PUS10: variants seen among roughly 807,000 people sequenced by gnomAD.
PUS10 encodes the protein tRNA pseudouridine synthase Pus10.
PUS10 carries 59 observed loss-of-function variants against 75.0 expected under a neutral mutation model. The ratio of observed to expected loss-of-function variants is 0.79; its 90% CI spans 0.64 to 0.98. The LOEUF (loss-of-function observed/expected upper bound fraction) is 0.98. Ranked by LOEUF, PUS10 falls within the 50% of genes least tolerant of loss-of-function variation. The pLI, the probability that PUS10 is intolerant of heterozygous loss-of-function variation, is 0.00. For synonymous variants in PUS10, 219 were observed against 211.6 expected (o/e 1.03, Z -0.30); for missense variants, 650 against 614.4 (o/e 1.06, Z -0.61).
At chr2:60,985,482 T>C (rs1677661988) in intron 4 of PUS10, among the ~76,000 whole-genome samples, 1 of 152,174 alleles carries the variant, frequency 6.6e-6, no homozygotes, top group Non-Finnish European at 1.5e-5. Context: ...GAGGACTTTG[T>C]GCTAAAGATG....
intron 5 of PUS10, among the ~76,000 whole-genome samples, chr2:60,968,397 TA>T (rs1047025244): frequency 6.6e-6 from 1 of 152,094 alleles, no homozygotes; most frequent in African/African-American, 2.4e-5. Context: ...TTCAAATAAT[TA>T]AAACTTCAAA....
At chr2:60,956,106 AT>A (rs1396206393) in intron 11 of PUS10, among the ~76,000 whole-genome samples, 2 of 152,018 alleles carry the variant, frequency 1.3e-5, no homozygotes, top group African/African-American at 4.8e-5. Context: ...AAAAAAAAAA[AT>A]GTAAGGGGCT....
At chr2:61,010,663 G>C in intron 2 of PUS10, 16 of 1,047,630 alleles carry the variant, frequency 1.5e-5, no homozygotes, top group Non-Finnish European at 2.2e-5. Flanking sequence ...TACTTTATTA[G>C]GTATTGTCCC....
intron 5 of PUS10, among the ~76,000 whole-genome samples, chr2:60,969,500 C>T (rs985495270): frequency 6.6e-6 from 1 of 152,228 alleles, no homozygotes; most frequent in African/African-American, 2.4e-5. Context: ...TTCTCTTTCT[C>T]TTCTCTGTCA....
At chr2:61,011,440 C>T (rs1380220542) in intron 2 of PUS10, among the ~76,000 whole-genome samples, 1 of 152,106 alleles carries the variant, frequency 6.6e-6, no homozygotes, top group African/African-American at 2.4e-5. Context: ...GGAATATTAG[C>T]CCCTCCTGGG....
chr2:60,969,546 T>C (rs1353712060), intron 5 of PUS10, among the ~76,000 whole-genome samples: 1 of 152,200 alleles, frequency 6.6e-6, no homozygotes, highest in Non-Finnish European at 1.5e-5. Flanking sequence ...TGCAATCACT[T>C]TTGCTGTAGA....
intron 4 of PUS10, 124 bp downstream of exon 4, chr2:61,006,433 T>C (rs2104691255): frequency 1.4e-6 from 1 of 705,952 alleles, no homozygotes; most frequent in Non-Finnish European, 2.4e-6. Flanking sequence ...ATTGCTTCAA[T>C]CATTCAATAA....
At chr2:60,971,865 C>CTTTTTTTTTTTTT (rs756222357) in intron 4 of PUS10, among the ~76,000 whole-genome samples, 22 of 99,634 alleles carry the variant, frequency 2.2e-4, no homozygotes, top group South Asian at 3.0e-4. Flanking sequence ...TCTTTCTTCT[C>CTTTTTTTTTTTTT]TTTTTTTTTT....
chr2:60,962,309 C>A (rs930027057), intron 9 of PUS10, among the ~76,000 whole-genome samples: 1 of 152,196 alleles, frequency 6.6e-6, no homozygotes, highest in African/African-American at 2.4e-5. Context: ...CGGTGGCTCA[C>A]GCCTGTAATC....
chr2:60,956,581 T>A (rs1675666426), intron 11 of PUS10, among the ~76,000 whole-genome samples: 1 of 152,070 alleles, frequency 6.6e-6, no homozygotes, highest in Non-Finnish European at 1.5e-5. Context: ...TTCCAGCCCA[T>A]CAGTAAGAAA....
chr2:60,961,459 T>C lies in PUS10; in HGVS notation c.874+4A>G. The stretch of plus-strand genomic sequence containing the variant: ...GTATGTATATTCTAGACTAAATATT[T>C]TACCAGCCACAAAAACAGCACCATG... On this transcript the variant is annotated splice_donor_region_variant and intron_variant, in intron 10 of 17. Coordinates refer to ENST00000316752, the MANE Select transcript of PUS10 (RefSeq NM_144709.4). 1 of 1,611,750 alleles carries C rather than the reference T, an allele frequency of 6.2e-7. No homozygotes were observed. The highest frequency in any genetic ancestry group is 1.1e-5 in the South Asian group (1 of 91,024).
At chr2:60,952,357 A>G (rs1372043806) in intron 15 of PUS10, among the ~76,000 whole-genome samples, 2 of 151,918 alleles carry the variant, frequency 1.3e-5, no homozygotes, top group African/African-American at 4.8e-5. Flanking sequence ...AAAAAAGAAA[A>G]AAAGAAAGTA....
intron 2 of PUS10, chr2:61,010,853 A>G (rs1559001488): frequency 6.4e-7 from 1 of 1,550,444 alleles, no homozygotes; most frequent in African/African-American, 1.4e-5. Context: ...AACTTTGGGC[A>G]GGTTGCTTAA....
chr2:61,017,991 G>A lies in PUS10; in HGVS notation c.-16+17C>T. ...CAACCTTGGGGATAGGGGCCGAGGTGGAGCTGGGGCGCTTACCAGTGGGGA... is the reference window on the plus strand; with the variant it reads ...CAACCTTGGGGATAGGGGCCGAGGTAGAGCTGGGGCGCTTACCAGTGGGGA... On this transcript the variant is annotated intron_variant, in intron 1 of 17. Transcript: ENST00000316752. 3.0e-6 allele frequency: 4 copies of A among 1,313,408 alleles called. No individual in the cohort carries two copies. Among genetic ancestry groups the A allele is most frequent in the Non-Finnish European group, 3.1e-6 (3 of 964,310 alleles). The allele number at this position is 1,313,408 out of a possible 1,614,324, so 81.4% of individuals were successfully genotyped here. A position where few individuals can be genotyped will look rare whatever the true frequency, so the allele number is the denominator to read the frequency against.
At chr2:61,014,814 GACGTGATT>G (rs1679860973) in intron 1 of PUS10, among the ~76,000 whole-genome samples, 1 of 152,168 alleles carries the variant, frequency 6.6e-6, no homozygotes, top group Admixed American at 6.5e-5. Context: ...TTAGTATAAA[GACGTGATT>G]CTTCTAGTCT....
intron 4 of PUS10, among the ~76,000 whole-genome samples, chr2:60,999,942 T>TAAAGTATACA (rs1678743447): frequency 6.6e-6 from 1 of 152,154 alleles, no homozygotes; most frequent in Non-Finnish European, 1.5e-5. Context: ...TGAGATGATT[T>TAAAGTATACA]AAAGTATACA....
intron 4 of PUS10, 81 bp from the exon 5 acceptor site, chr2:60,971,638 A>C (rs1676670425): frequency 7.7e-7 from 1 of 1,299,984 alleles, no homozygotes; most frequent in East Asian, 2.3e-5. Flanking sequence ...TCATTACTGA[A>C]GTGCTTAACT....
chr2:60,984,786 G>A (rs959609139), intron 4 of PUS10, among the ~76,000 whole-genome samples: 2 of 152,314 alleles, frequency 1.3e-5, no homozygotes, highest in East Asian at 1.9e-4. Flanking sequence ...GTCAATGGTT[G>A]TTGCAAGGTA....
chr2:60,998,266 C>T (rs1364606021), intron 4 of PUS10, among the ~76,000 whole-genome samples: 2 of 152,164 alleles, frequency 1.3e-5, no homozygotes, highest in African/African-American at 4.8e-5. Flanking sequence ...TTAGTATGTG[C>T]ATTTTTAGGA....
Sources: gnomAD v4.1 joint callset for allele counts (sites outside exome capture counted in the v4.1 genomes callset) on GRCh38, gnomAD v4.1.1 for gene constraint, MANE v1.5 for transcripts, NCBI Gene and HGNC (gene_info 2026-07-23, HGNC 2026-07-21) for gene names.